GIGYF2: variants seen among roughly 807,000 people sequenced by gnomAD.
GIGYF2 encodes the protein GRB10 interacting GYF protein 2.
In GIGYF2, 25 loss-of-function variants were observed where a neutral mutation model predicts 208.1. The observed-to-expected ratio is 0.12, with a 90% CI of 0.09 to 0.17. GIGYF2 has a LOEUF of 0.17. Ranked by LOEUF, GIGYF2 falls within the 10% of genes least tolerant of loss-of-function variation. GIGYF2 has a pLI of 1.00. For missense variants in GIGYF2, 1,302 were observed against 1,579.4 expected (o/e 0.82, Z 2.98); for synonymous variants, 534 against 543.8 (o/e 0.98, Z 0.25).
chr2:232,717,405 T>C (rs1696736716), intron 2 of GIGYF2, among the ~76,000 whole-genome samples: 1 of 152,188 alleles, frequency 6.6e-6, no homozygotes, highest in South Asian at 2.1e-4. Flanking sequence ...CATGTACATA[T>C]ACATGTATAT....
intron 8 of GIGYF2, among the ~76,000 whole-genome samples, chr2:232,772,207 C>T (rs11887724): frequency 0.022 from 3,286 of 152,224 alleles, 124 homozygotes; most frequent in African/African-American, 0.075. Flanking sequence ...AGCCACCATA[C>T]CTGGTCTTAT....
chr2:232,820,186 GTCTTA>G (rs749336340), intron 21 of GIGYF2, among the ~76,000 whole-genome samples: 51 of 152,058 alleles, frequency 3.4e-4, no homozygotes, highest in Non-Finnish European at 5.9e-4. Flanking sequence ...AATAAAATTT[GTCTTA>G]TCTTTCTGGT....
intron 7 of GIGYF2, 37 bp downstream of exon 7, chr2:232,760,628 G>A: frequency 7.2e-7 from 1 of 1,387,320 alleles, no homozygotes; most frequent in Non-Finnish European, 1.0e-6. Context: ...AAATTTCTTG[G>A]CATATAAAAC....
At chr2:232,780,066 T>C (rs1489665390) in intron 8 of GIGYF2, among the ~76,000 whole-genome samples, 1 of 152,210 alleles carries the variant, frequency 6.6e-6, no homozygotes, top group African/African-American at 2.4e-5. Flanking sequence ...CTTGTGGAGC[T>C]TGTGGAGATT....
chr2:232,743,866 A>T (rs936912664), intron 3 of GIGYF2, among the ~76,000 whole-genome samples: 3 of 152,010 alleles, frequency 2.0e-5, no homozygotes, highest in Non-Finnish European at 4.4e-5. Context: ...TATTTTTTGG[A>T]GACAGAGTCT....
chr2:232,723,476 G>A (rs1215921514), intron 2 of GIGYF2, among the ~76,000 whole-genome samples: 2 of 148,170 alleles, frequency 1.3e-5, no homozygotes, highest in African/African-American at 5.0e-5. Context: ...TGTCACCCAG[G>A]CTGGAGTGCA....
intron 18 of GIGYF2, 150 bp from the exon 19 acceptor site, chr2:232,815,487 T>C (rs1399388591): frequency 1.6e-5 from 11 of 689,852 alleles, no homozygotes; most frequent in Non-Finnish European, 2.9e-5. Context: ...CTAGAGTCCA[T>C]TGGCAGTTCA....
At position 232,798,423 on chromosome 2, in the gene GIGYF2, GC is replaced by G. The variant is rs1480465330; in HGVS notation, c.1639+2205del. Reference sequence around the variant, plus strand: ...AAGTGTTCATTCCTCTGGGCTAAATGCCCAGGAGTGCATTTGCTGAGTTGTA... The same window carrying G: ...AAGTGTTCATTCCTCTGGGCTAAATGCCAGGAGTGCATTTGCTGAGTTGTA... On this transcript the variant is annotated intron_variant, in intron 14 of 28. Transcript: ENST00000373563. Among the ~76,000 whole-genome samples, 15 of 152,278 alleles carry G rather than the reference GC, an allele frequency of 9.9e-5. No homozygotes were observed. The South Asian group carries it at 1.0e-3, about 11-fold the overall frequency.
intron 2 of GIGYF2, among the ~76,000 whole-genome samples, chr2:232,729,187 C>G (rs1206087422): frequency 3.3e-5 from 5 of 152,032 alleles, no homozygotes; most frequent in Non-Finnish European, 7.4e-5. Context: ...GTCATGTTGT[C>G]CAGACTGTTC....
chr2:232,711,705 G>GTGTATATATATATATATATATATATATA (rs147184549), intron 2 of GIGYF2, among the ~76,000 whole-genome samples: 17 of 115,764 alleles, frequency 1.5e-4, no homozygotes, highest in South Asian at 8.3e-4. Context: ...TCACAATGAT[G>GTGTATATATATATATATATATATATATA]TATATATATA....
chr2:232,791,099 A>C lies in GIGYF2; in HGVS notation c.1022A>C (p.His341Pro). ...GAGTGCTCTGACTCTGAGGGTAGCC[A>C]TAATGAAGAGGCCAAAGAACCCGAT... ...GEECSDSEGS[H>P]NEEAKEPDKT... is the part of the protein sequence containing the mutation. The change falls in exon 11 of 29, where the codon CAT becomes CCT. Residue 341 changes from histidine to proline, a missense_variant. Physicochemically the swap from His to Pro is moderately conservative, Grantham distance 77 (BLOSUM62 -2). This residue lies in a region of GIGYF2 where 235 missense variants were observed against 218.8 expected (regional missense o/e 1.07). Coordinates refer to ENST00000373563, the MANE Select transcript of GIGYF2 (RefSeq NM_001103146.3). 6.2e-7 allele frequency: 1 copy of C among 1,614,144 alleles called. No individual in the cohort carries two copies. The highest frequency in any genetic ancestry group is 8.5e-7 in the Non-Finnish European group (1 of 1,180,000).
chr2:232,790,309 G>A (rs1021819171), intron 9 of GIGYF2, among the ~76,000 whole-genome samples: 2 of 152,176 alleles, frequency 1.3e-5, no homozygotes, highest in Non-Finnish European at 1.5e-5. Context: ...CAAAAGGAAG[G>A]TGTAAACTTC....
chr2:232,781,550 A>T (rs1416521430), intron 8 of GIGYF2, among the ~76,000 whole-genome samples: 1 of 152,186 alleles, frequency 6.6e-6, no homozygotes, highest in East Asian at 1.9e-4. Flanking sequence ...ATATTGAAGA[A>T]GTTGGTCTTA....
intron 3 of GIGYF2, chr2:232,736,181 A>G (rs1697724179): frequency 1.0e-6 from 1 of 980,868 alleles, no homozygotes; most frequent in Admixed American, 6.2e-5. Context: ...TTGAAGTTCT[A>G]AGAACCGATG....
intron 1 of GIGYF2, chr2:232,698,419 T>A (rs1171445519): frequency 6.6e-6 from 1 of 152,202 alleles, no homozygotes; most frequent in African/African-American, 2.4e-5. Context: ...TTCCCAATGT[T>A]GTGCCTGGGG....
At chr2:232,792,649 G>A (rs963788583) in intron 12 of GIGYF2, among the ~76,000 whole-genome samples, 1 of 152,150 alleles carries the variant, frequency 6.6e-6, no homozygotes. Flanking sequence ...GAACTCCTGG[G>A]CTCAAGTGAT....
chr2:232,848,561 A>G (rs1363642101), intron 27 of GIGYF2, among the ~76,000 whole-genome samples: 1 of 152,174 alleles, frequency 6.6e-6, no homozygotes, highest in Non-Finnish European at 1.5e-5. Flanking sequence ...TGAACCTGGG[A>G]GGCAGAGGTT....
At chr2:232,834,147 G>T (rs1022212091) in intron 22 of GIGYF2, among the ~76,000 whole-genome samples, 1 of 152,156 alleles carries the variant, frequency 6.6e-6, no homozygotes, top group Non-Finnish European at 1.5e-5. Context: ...GGCAGGTTCT[G>T]CATAACTTCA....
chr2:232,843,562 CAAAAA>C (rs577833427), intron 23 of GIGYF2, among the ~76,000 whole-genome samples: 8 of 91,566 alleles, frequency 8.7e-5, no homozygotes, highest in African/African-American at 2.6e-4. Context: ...GACCCTGTCT[CAAAAA>C]AAAAAAAAAA....
Sources: gnomAD v4.1 joint callset for allele counts (sites outside exome capture counted in the v4.1 genomes callset) on GRCh38, gnomAD v4.1.1 for gene constraint, gnomAD v4.1.1 regional missense constraint, MANE v1.5 for transcripts, NCBI Gene and HGNC (gene_info 2026-07-23, HGNC 2026-07-21) for gene names.